Variants in SIPA1L3 observed in about 807,000 individuals in gnomAD.
SIPA1L3 encodes the protein signal-induced proliferation-associated 1-like protein 3.
In SIPA1L3, 59 loss-of-function variants were observed where a neutral mutation model predicts 150.1. The ratio of observed to expected loss-of-function variants is 0.39; its 90% CI spans 0.32 to 0.49. The LOEUF (loss-of-function observed/expected upper bound fraction) is 0.49, where lower values mean the gene tolerates loss of function less well. SIPA1L3 is among the 20% of genes least tolerant of loss of function. SIPA1L3 has a pLI of 0.86. For synonymous variants in SIPA1L3, 1,070 were observed against 1,077.6 expected (o/e 0.99, Z 0.14); for missense variants, 2,211 against 2,489.5 (o/e 0.89, Z 2.38).
chr19:38,123,418 C>A (rs527940839), intron 9 of SIPA1L3, among the ~76,000 whole-genome samples: 3 of 149,106 alleles, frequency 2.0e-5, no homozygotes, highest in African/African-American at 2.5e-5. Flanking sequence ...TGCGGCCTTC[C>A]GCAGTGTTTG....
chr19:38,016,886 CTTTTTTTTTTTTT>C lies in SIPA1L3; in HGVS notation c.-378-12187_-378-12175del, dbSNP rs58459050. 6.8e-4 allele frequency among the ~76,000 whole-genome samples: 47 copies of C among 69,144 alleles called. 1 individual carries two copies. Among genetic ancestry groups the C allele is most frequent in the East Asian group, 3.9e-3 (7 of 1,780 alleles). 45.4% of individuals were successfully genotyped at this position (69,144 alleles called of 152,430 possible). On this transcript the variant is annotated intron_variant, in intron 1 of 21. Coordinates refer to ENST00000222345, the MANE Select transcript of SIPA1L3 (RefSeq NM_015073.3). Reference sequence around the variant, plus strand: ...ATACTTCTTTTTCTGCCTCCTCTGGCTTTTTTTTTTTTTTTTTTTTTTTTTTTTGAGACTGAGT... The same window carrying C: ...ATACTTCTTTTTCTGCCTCCTCTGGCTTTTTTTTTTTTTTTGAGACTGAGT...
intron 1 of SIPA1L3, among the ~76,000 whole-genome samples, chr19:37,967,016 C>T (rs2046909864): frequency 6.6e-6 from 1 of 152,080 alleles, no homozygotes; most frequent in Non-Finnish European, 1.5e-5. Flanking sequence ...GCCTAAACAA[C>T]AGAAATTTAT....
In SIPA1L3 at chr19:38,130,594, G is replaced by A. The variant is rs756546599; in HGVS notation, c.2965G>A (p.Glu989Lys). ...CGTGAAGTACGACGGCACGGTGGCCGAGGTTGAGGACTATGGGTTCGCCTG... is the reference window on the plus strand; with the variant it reads ...CGTGAAGTACGACGGCACGGTGGCCAAGGTTGAGGACTATGGGTTCGCCTG... ...FHVKYDGTVA[E>K]VEDYGFAWQA... Residue 989 changes from glutamate (E) to lysine (K), a missense_variant, in exon 10 of 22, where the codon GAG becomes AAG. By Grantham distance (56) the Glu-to-Lys change is moderately conservative. This residue lies in a region of SIPA1L3 where 625 missense variants were observed against 804.2 expected (regional missense o/e 0.78). Coordinates refer to ENST00000222345, the MANE Select transcript of SIPA1L3 (RefSeq NM_015073.3). 1.5e-5 allele frequency: 24 copies of A among 1,613,672 alleles called. No individual in the cohort carries two copies. The highest frequency in any genetic ancestry group is 3.3e-5 in the South Asian group (3 of 91,084).
Position 38,182,515 on chromosome 19 carries a change from G to T in SIPA1L3, c.4209-4G>T, listed in dbSNP as rs774822228. 5 of 1,585,974 alleles carry T rather than the reference G, an allele frequency of 3.2e-6. No individual in the cohort carries two copies. The South Asian group carries it at 5.7e-5, about 18-fold the overall frequency. ...TTTTTATCTCTTTCATTTTTGCTTT[G>T]CAGTGACATGGGCTCGAGGGTTGGC... On this transcript the variant is annotated splice_polypyrimidine_tract_variant and splice_region_variant and intron_variant, in intron 15 of 21. Coordinates refer to ENST00000222345, the MANE Select transcript of SIPA1L3 (RefSeq NM_015073.3).
intron 9 of SIPA1L3, among the ~76,000 whole-genome samples, chr19:38,129,249 G>T (rs1442409398): frequency 2.0e-5 from 3 of 152,162 alleles, no homozygotes; most frequent in African/African-American, 4.8e-5. Context: ...GAGTCCTGGA[G>T]GCCAGGCCCT....
At chr19:37,990,154 G>T (rs1298149330) in intron 1 of SIPA1L3, among the ~76,000 whole-genome samples, 3 of 151,966 alleles carry the variant, frequency 2.0e-5, no homozygotes, top group Non-Finnish European at 4.4e-5. Flanking sequence ...GCCTCTTCTG[G>T]TTGCTCAACC....
At chr19:38,168,343 C>T (rs1972253369) in intron 15 of SIPA1L3, among the ~76,000 whole-genome samples, 1 of 152,136 alleles carries the variant, frequency 6.6e-6, no homozygotes, top group East Asian at 1.9e-4. Flanking sequence ...GCCAAGACTG[C>T]ACCACTACAC....
At chr19:38,154,658 G>A (rs1971902032) in intron 13 of SIPA1L3, among the ~76,000 whole-genome samples, 1 of 152,050 alleles carries the variant, frequency 6.6e-6, no homozygotes, top group Non-Finnish European at 1.5e-5. Context: ...ATCTTGGCCA[G>A]GCTCGTCTCG....
intron 2 of SIPA1L3, among the ~76,000 whole-genome samples, chr19:38,034,081 T>G (rs2145726305): frequency 6.6e-6 from 1 of 152,120 alleles, no homozygotes; most frequent in South Asian, 2.1e-4. Context: ...CTCTTGATCT[T>G]TCCCCTCATG....
At chr19:38,074,443 CCT>C (rs1969794016) in intron 2 of SIPA1L3, among the ~76,000 whole-genome samples, 1 of 151,264 alleles carries the variant, frequency 6.6e-6, no homozygotes, top group African/African-American at 2.5e-5. Flanking sequence ...AAGGACTAAT[CCT>C]CCCTCCGCAC....
intron 16 of SIPA1L3, among the ~76,000 whole-genome samples, chr19:38,191,023 C>G (rs904982683): frequency 1.3e-5 from 2 of 152,200 alleles, no homozygotes; most frequent in African/African-American, 4.8e-5. Flanking sequence ...TGACTTGGGA[C>G]AAGTGGCTAA....
chr19:38,040,638 C>T (rs1050320426), intron 2 of SIPA1L3, among the ~76,000 whole-genome samples: 1 of 152,194 alleles, frequency 6.6e-6, no homozygotes, highest in African/African-American at 2.4e-5. Context: ...AGACAGTTTT[C>T]AGTGCTATAT....
intron 1 of SIPA1L3, among the ~76,000 whole-genome samples, chr19:37,983,279 G>T (rs986198055): frequency 2.0e-5 from 3 of 152,230 alleles, no homozygotes; most frequent in Non-Finnish European, 4.4e-5. Context: ...GGAGCCACGT[G>T]CTGGGAGTTG....
Position 38,015,798 on chromosome 19 carries a change from T to C in SIPA1L3, c.-378-13291T>C, listed in dbSNP as rs139680638. ...GTTTCTTTCTGCATTTCATGTTTCATTGCCTTCTTTCTGCTGTGTTCGAAG... is the reference window on the plus strand; with the variant it reads ...GTTTCTTTCTGCATTTCATGTTTCACTGCCTTCTTTCTGCTGTGTTCGAAG... On this transcript the variant is annotated intron_variant, in intron 1 of 21. Coordinates refer to ENST00000222345, the MANE Select transcript of SIPA1L3 (RefSeq NM_015073.3). 2.0e-3 allele frequency among the ~76,000 whole-genome samples: 305 copies of C among 151,874 alleles called. 2 individuals carry two copies. Among genetic ancestry groups the C allele is most frequent in the Middle Eastern group, 6.8e-3 (2 of 294 alleles).
intron 3 of SIPA1L3, among the ~76,000 whole-genome samples, chr19:38,087,230 G>C (rs1035633611): frequency 6.6e-6 from 1 of 152,138 alleles, no homozygotes; most frequent in Non-Finnish European, 1.5e-5. Flanking sequence ...GCTAGGATTC[G>C]CAAGGAGCTA....
chr19:38,063,525 C>T (rs79114013), intron 2 of SIPA1L3, among the ~76,000 whole-genome samples: 366 of 152,352 alleles, frequency 2.4e-3, no homozygotes, highest in African/African-American at 7.9e-3. Flanking sequence ...GATTTAATCT[C>T]CAGGCCCAAC....
intron 10 of SIPA1L3, among the ~76,000 whole-genome samples, chr19:38,136,593 G>T (rs1336531448): frequency 6.6e-6 from 1 of 152,116 alleles, no homozygotes; most frequent in Non-Finnish European, 1.5e-5. Context: ...GACACAGCAA[G>T]ACTCCGTCTC....
rs144665064 is a variant in SIPA1L3, at chr19:38,208,208, A to G, written c.*1968A>G. The G allele has an allele frequency of 2.6e-5, 4 of 151,778 alleles. No individual in the cohort carries two copies. The highest frequency in any genetic ancestry group is 7.3e-5 in the African/African-American group (3 of 41,218). 9.4% of individuals were successfully genotyped at this position (151,778 alleles called of 1,614,324 possible). ...TAATTTGAGGTTGATGTTCTATCCAATGGCCGAAGATAGCAGCAGGTTTTT... is the reference window on the plus strand; with the variant it reads ...TAATTTGAGGTTGATGTTCTATCCAGTGGCCGAAGATAGCAGCAGGTTTTT... On this transcript the variant is annotated 3_prime_UTR_variant, in exon 22 of 22. Transcript: ENST00000222345.
At chr19:38,159,590 T>C (rs539120161) in intron 13 of SIPA1L3, among the ~76,000 whole-genome samples, 36 of 152,366 alleles carry the variant, frequency 2.4e-4, no homozygotes, top group African/African-American at 8.4e-4. Flanking sequence ...ATTGCCGTTG[T>C]TGGTGAAGCC....
Sources: gnomAD v4.1 joint callset for allele counts (sites outside exome capture counted in the v4.1 genomes callset) on GRCh38, gnomAD v4.1.1 for gene constraint, gnomAD v4.1.1 regional missense constraint, MANE v1.5 for transcripts, NCBI Gene and HGNC (gene_info 2026-07-23, HGNC 2026-07-21) for gene names.